Variants in PARD6G observed in about 807,000 individuals in gnomAD.
PARD6G encodes the protein partitioning defective 6 homolog gamma.
PARD6G carries 7 observed loss-of-function variants against 10.7 expected under a neutral mutation model. The ratio of observed to expected loss-of-function variants is 0.66; its 90% CI spans 0.37 to 1.23. PARD6G has a LOEUF of 1.23. PARD6G is among the 50% of genes most tolerant of loss of function. PARD6G has a pLI of 0.02. For missense variants in PARD6G, 548 were observed against 571.8 expected, an observed-to-expected ratio of 0.96 and a Z score of 0.42; for synonymous variants, 287 against 269.4, an observed-to-expected ratio of 1.07 and a Z score of -0.64.
rs749784876 is a variant in PARD6G, at chr18:80,200,671, G to A, written c.295+2039C>T. Among the ~76,000 whole-genome samples, 8 of 152,176 alleles carry A rather than the reference G, an allele frequency of 5.3e-5. No homozygotes were observed. Among genetic ancestry groups the A allele is most frequent in the Non-Finnish European group, 1.2e-4 (8 of 68,032 alleles). On this transcript the variant is annotated intron_variant, in intron 2 of 2. Coordinates refer to ENST00000353265, the MANE Select transcript of PARD6G (RefSeq NM_032510.4). This position sits in a 1 kb window ranked among gnomAD's most constrained non-coding sequence, Gnocchi z 4.4. Reference sequence around the variant, plus strand: ...AAACCCTGAGCCAGCTAGTTAAACTGGGCTACTACTCTGAGGGCAGAGGAA... The same window carrying A: ...AAACCCTGAGCCAGCTAGTTAAACTAGGCTACTACTCTGAGGGCAGAGGAA...
At chr18:80,208,152 GGC>G (rs1967072356) in intron 1 of PARD6G, among the ~76,000 whole-genome samples, 1 of 151,764 alleles carries the variant, frequency 6.6e-6, no homozygotes, top group African/African-American at 2.4e-5. Flanking sequence ...AGATTTCACT[GGC>G]TGTATTTAGA....
chr18:80,221,717 T>C (rs900852733), intron 1 of PARD6G, among the ~76,000 whole-genome samples: 2 of 152,006 alleles, frequency 1.3e-5, no homozygotes, highest in African/African-American at 4.8e-5. Context: ...GGCAAGAAAA[T>C]AAAAGACATC....
In PARD6G at chr18:80,241,912, T is replaced by C. The variant is rs764219246; in HGVS notation, c.72+5365A>G. Among the ~76,000 whole-genome samples, 6 of 152,328 alleles carry C rather than the reference T, an allele frequency of 3.9e-5. No individual in the cohort carries two copies. The East Asian group carries it at 7.7e-4, about 20-fold the overall frequency. ...AGGATGCCTCTCCCCTTTGTACTAA[T>C]TCTGGACGTGATTCACAAACGCCAG... is the stretch of plus-strand genomic sequence containing the variant. On this transcript the variant is annotated intron_variant, in intron 1 of 2. Coordinates refer to ENST00000353265, the MANE Select transcript of PARD6G (RefSeq NM_032510.4).
intron 2 of PARD6G, among the ~76,000 whole-genome samples, chr18:80,162,771 G>A (rs1315829098): frequency 2.0e-5 from 3 of 152,160 alleles, no homozygotes; most frequent in Admixed American, 6.5e-5. Flanking sequence ...GCTGCCCGGG[G>A]TGTGGGGATC....
At chr18:80,217,468 A>G (rs559300552) in intron 1 of PARD6G, among the ~76,000 whole-genome samples, 1 of 152,308 alleles carries the variant, frequency 6.6e-6, no homozygotes, top group African/African-American at 2.4e-5. Flanking sequence ...AACCGGGCAA[A>G]CACTCTCAGC....
intron 2 of PARD6G, chr18:80,170,395 C>T (rs2052767795): frequency 6.6e-6 from 1 of 152,324 alleles, no homozygotes; most frequent in Non-Finnish European, 1.5e-5. Flanking sequence ...CCACGATCCC[C>T]AGCACAGAAC....
chr18:80,239,766 A>G (rs1967469347), intron 1 of PARD6G, among the ~76,000 whole-genome samples: 1 of 152,266 alleles, frequency 6.6e-6, no homozygotes, highest in Non-Finnish European at 1.5e-5. Context: ...TTCACAGGAT[A>G]CAGAGGGCAA....
chr18:80,241,157 C>G (rs149184272), intron 1 of PARD6G, among the ~76,000 whole-genome samples: 1 of 152,320 alleles, frequency 6.6e-6, no homozygotes, highest in East Asian at 1.9e-4. Context: ...GAGGGAGTCT[C>G]TCACCCTATG....
At chr18:80,245,914 A>C (rs1568152928) in intron 1 of PARD6G, among the ~76,000 whole-genome samples, 1 of 152,124 alleles carries the variant, frequency 6.6e-6, no homozygotes, top group African/African-American at 2.4e-5. Context: ...GATTCATTAA[A>C]AGACCGTGTA....
intron 1 of PARD6G, among the ~76,000 whole-genome samples, chr18:80,205,934 A>T (rs1329451842): frequency 6.6e-6 from 1 of 152,242 alleles, no homozygotes; most frequent in Non-Finnish European, 1.5e-5. Flanking sequence ...TGAATTTTAT[A>T]TAATTCTCAC....
Position 80,182,872 on chromosome 18 carries a change from T to A in PARD6G, c.295+19838A>T, listed in dbSNP as rs1490173971. On this transcript the variant is annotated intron_variant, in intron 2 of 2. Transcript: ENST00000353265. The surrounding 1 kb of genome is among the most constrained non-coding windows in gnomAD (Gnocchi z 4.5). ...ACTTTTAAATCTGATGTTATAGTTT[T>A]ATTTCTTAGTTCTAGGTACAGGGCT... The A allele has an allele frequency of 4.2e-6, 2 of 477,578 alleles. No homozygotes were observed. The highest frequency in any genetic ancestry group is 3.9e-5 in the African/African-American group (2 of 51,032). The allele number at this position is 477,578 out of a possible 1,614,324, so 29.6% of individuals were successfully genotyped here. A position where few individuals can be genotyped will look rare whatever the true frequency, so the allele number is the denominator to read the frequency against.
At chr18:80,211,698 A>C (rs759778358) in intron 1 of PARD6G, among the ~76,000 whole-genome samples, 1 of 152,256 alleles carries the variant, frequency 6.6e-6, no homozygotes, top group African/African-American at 2.4e-5. Flanking sequence ...GGTGACACAT[A>C]CATACAATGG....
At chr18:80,160,632 G>A (rs753821027) in intron 2 of PARD6G, 26 bp from the exon 3 acceptor site, 14 of 1,433,696 alleles carry the variant, frequency 9.8e-6, no homozygotes, top group Non-Finnish European at 1.3e-5. Context: ...CAGTTAGAGG[G>A]GACACACAAC....
At chr18:80,193,454 G>A (rs1158111115) in intron 2 of PARD6G, among the ~76,000 whole-genome samples, 1 of 152,112 alleles carries the variant, frequency 6.6e-6, no homozygotes, top group Admixed American at 6.5e-5. Context: ...ATACTTTTAG[G>A]TACAGAGCTG....
chr18:80,221,588 C>T (rs1031815035), intron 1 of PARD6G, among the ~76,000 whole-genome samples: 2 of 151,862 alleles, frequency 1.3e-5, no homozygotes, highest in African/African-American at 2.4e-5. Flanking sequence ...GAAAACTCAC[C>T]GCTAACATCA....
intron 2 of PARD6G, among the ~76,000 whole-genome samples, chr18:80,195,548 C>CAT (rs201373415): frequency 0.027 from 2,189 of 82,124 alleles, 212 homozygotes; most frequent in East Asian, 0.18. Context: ...TTCAAAGATA[C>CAT]ATATATATAT....
In PARD6G at chr18:80,228,228, G is replaced by GGGGAGAC. The variant is rs1427858999; in HGVS notation, c.72+19042_72+19048dup. Among the ~76,000 whole-genome samples the GGGGAGAC allele has an allele frequency of 1.8e-4, 27 of 152,228 alleles. No individual in the cohort carries two copies. Among genetic ancestry groups the GGGGAGAC allele is most frequent in the Middle Eastern group, 3.4e-3 (1 of 294 alleles). ...GGTGCTCAGGAAGTCACATCCCACG[G>GGGGAGAC]GGGAGACGGCAGCGAGCAGAGAGAC... On this transcript the variant is annotated intron_variant, in intron 1 of 2. Coordinates refer to ENST00000353265, the MANE Select transcript of PARD6G (RefSeq NM_032510.4). This position sits in a 1 kb window ranked among gnomAD's most constrained non-coding sequence, Gnocchi z 4.6.
chr18:80,195,566 TATATATAC>T (rs146105032), intron 2 of PARD6G, among the ~76,000 whole-genome samples: 4,966 of 120,278 alleles, frequency 0.041, 419 homozygotes, highest in African/African-American at 0.15. Context: ...TATATATATA[TATATATAC>T]ACACATTTTT....
At chr18:80,204,299 A>G (rs1406782368) in intron 1 of PARD6G, among the ~76,000 whole-genome samples, 1 of 152,152 alleles carries the variant, frequency 6.6e-6, no homozygotes, top group African/African-American at 2.4e-5. Context: ...CTAAGATCAG[A>G]CGTGTTTGTG....
Sources: gnomAD v4.1 joint callset for allele counts (sites outside exome capture counted in the v4.1 genomes callset) on GRCh38, gnomAD v4.1.1 for gene constraint, Gnocchi (gnomAD v3.1) non-coding constraint, MANE v1.5 for transcripts, NCBI Gene and HGNC (gene_info 2026-07-23, HGNC 2026-07-21) for gene names.